Variants in EPS8 observed in about 807,000 individuals in gnomAD.
EPS8 encodes epidermal growth factor receptor kinase substrate 8.
EPS8 carries 42 observed loss-of-function variants against 103.8 expected under a neutral mutation model. The observed-to-expected ratio is 0.40, with a 90% CI of 0.32 to 0.52. The LOEUF is 0.52. Among genes scored for constraint, EPS8 ranks in the 20% least tolerant of loss-of-function variants. The pLI, the probability that EPS8 is intolerant of heterozygous loss-of-function variation, is 0.40. For synonymous variants in EPS8, 344 were observed against 344.6 expected (o/e 1.00, Z 0.02); for missense variants, 969 against 1,005.1 (o/e 0.96, Z 0.49).
At chr12:15,634,956 G>A (rs1197885606) in intron 17 of EPS8, among the ~76,000 whole-genome samples, 2 of 152,106 alleles carry the variant, frequency 1.3e-5, no homozygotes, top group Non-Finnish European at 2.9e-5. Context: ...TCTAGCCATG[G>A]AAAACTAATC....
Position 15,738,967 on chromosome 12 carries a change from G to A in EPS8, c.-22+50194C>T, listed in dbSNP as rs905409917. On this transcript the variant is annotated intron_variant, in intron 1 of 20. Transcript: ENST00000281172. The surrounding 1 kb of genome is among the most constrained non-coding windows in gnomAD (Gnocchi z 6.2). ...GTCTTATTCTGACCCCTTAGTCCAT[G>A]CAGGCATGTCTATGCAGATTGCTCT... Among the ~76,000 whole-genome samples the A allele has an allele frequency of 2.6e-5, 4 of 152,172 alleles. No homozygotes were observed. The highest frequency in any genetic ancestry group is 5.9e-5 in the Non-Finnish European group (4 of 68,032).
rs746653339 is a variant in EPS8, at chr12:15,700,092, T to C, written c.-21-17120A>G. ...ATTGTTTGAACACAGGAGGCGGAAG[T>C]TGCAGTGAGCTGAGATCATGCCTCT... On this transcript the variant is annotated intron_variant, in intron 1 of 20. Transcript: ENST00000281172. The surrounding 1 kb of genome is among the most constrained non-coding windows in gnomAD (Gnocchi z 5.1). Among the ~76,000 whole-genome samples, 1 of 152,166 alleles carries C rather than the reference T, an allele frequency of 6.6e-6. No homozygotes were observed. The highest frequency in any genetic ancestry group is 1.5e-5 in the Non-Finnish European group (1 of 68,028).
chr12:15,773,493 AAT>A (rs941482670), intron 1 of EPS8, among the ~76,000 whole-genome samples: 4 of 152,070 alleles, frequency 2.6e-5, no homozygotes, highest in Admixed American at 2.6e-4. Context: ...AGATACATGA[AAT>A]ATTTTAGAAC....
chr12:15,766,619 AG>A (rs1354385540), intron 1 of EPS8, among the ~76,000 whole-genome samples: 1 of 151,772 alleles, frequency 6.6e-6, no homozygotes, highest in Non-Finnish European at 1.5e-5. Flanking sequence ...CAGAGGTTGC[AG>A]TGAGCAGAGA....
chr12:15,709,332 T>C (rs1468591356), intron 1 of EPS8, among the ~76,000 whole-genome samples: 1 of 151,452 alleles, frequency 6.6e-6, no homozygotes, highest in African/African-American at 2.4e-5. Context: ...AAAAAGAAGG[T>C]GAAACCAAGA....
intron 12 of EPS8, among the ~76,000 whole-genome samples, chr12:15,654,839 C>G (rs866378169): frequency 6.6e-6 from 1 of 152,066 alleles, no homozygotes; most frequent in Non-Finnish European, 1.5e-5. Context: ...TACTTTTCCC[C>G]AGAATTATTT....
chr12:15,705,015 T>C (rs1414064206), intron 1 of EPS8, among the ~76,000 whole-genome samples: 1 of 152,218 alleles, frequency 6.6e-6, no homozygotes, highest in Non-Finnish European at 1.5e-5. Context: ...AGGTTAACAT[T>C]GTATTCTACT....
In EPS8 at chr12:15,769,803, A is replaced by T. The variant is rs1565537328; in HGVS notation, c.-22+19358T>A. ...TGGACACAGTACAAAAATTTCCTGAACTTTCTGACCAAAGTCATGTTTTAT... is the reference window on the plus strand; with the variant it reads ...TGGACACAGTACAAAAATTTCCTGATCTTTCTGACCAAAGTCATGTTTTAT... On this transcript the variant is annotated intron_variant, in intron 1 of 20. Coordinates refer to ENST00000281172, the MANE Select transcript of EPS8 (RefSeq NM_004447.6). The surrounding 1 kb of genome is among the most constrained non-coding windows in gnomAD (Gnocchi z 4.6). 6.6e-6 allele frequency among the ~76,000 whole-genome samples: 1 copy of T among 152,168 alleles called. No individual in the cohort carries two copies.
intron 1 of EPS8, among the ~76,000 whole-genome samples, chr12:15,755,215 C>T (rs565237366): frequency 6.2e-4 from 95 of 152,214 alleles, no homozygotes; most frequent in Non-Finnish European, 1.3e-3. Context: ...AAATCAAGTT[C>T]TCCTTGACAC....
intron 3 of EPS8, chr12:15,672,609 A>T: frequency 1.3e-5 from 5 of 390,214 alleles, no homozygotes; most frequent in Admixed American, 4.4e-5. Context: ...TATTCTACAT[A>T]TTTTTAAAAA....
At chr12:15,665,969 T>G in intron 7 of EPS8, 77 bp from the exon 8 acceptor site, 21 of 1,425,998 alleles carry the variant, frequency 1.5e-5, no homozygotes, top group African/African-American at 5.7e-5. Context: ...CTTGTGGTAC[T>G]AGTTATTAAA....
rs1024817614 is a variant in EPS8, at chr12:15,762,070, C to T, written c.-22+27091G>A. Among the ~76,000 whole-genome samples, 1 of 151,990 alleles carries T rather than the reference C, an allele frequency of 6.6e-6. No homozygotes were observed. Among genetic ancestry groups the T allele is most frequent in the Non-Finnish European group, 1.5e-5 (1 of 68,018 alleles). The stretch of plus-strand genomic sequence containing the variant: ...ATTAATAATCAGAATATATATAGAG[C>T]TCAAACAACTCTACAAGAAAACATC... On this transcript the variant is annotated intron_variant, in intron 1 of 20. Coordinates refer to ENST00000281172, the MANE Select transcript of EPS8 (RefSeq NM_004447.6). The surrounding 1 kb of genome is among the most constrained non-coding windows in gnomAD (Gnocchi z 4.8).
rs1191064690 is a variant in EPS8 at position 15,728,900 on chromosome 12, C to T, written c.-21-45928G>A. ...AGACTAGCAGAAAATATTTGTAAAT[C>T]CATCTTTTTTAAAAACATTTCTTGT... On this transcript the variant is annotated intron_variant, in intron 1 of 20. Coordinates refer to ENST00000281172, the MANE Select transcript of EPS8 (RefSeq NM_004447.6). This position sits in a 1 kb window ranked among gnomAD's most constrained non-coding sequence, Gnocchi z 4.5. Among the ~76,000 whole-genome samples the T allele has an allele frequency of 6.6e-6, 1 of 152,014 alleles. No homozygotes were observed. The highest frequency in any genetic ancestry group is 2.4e-5 in the African/African-American group (1 of 41,346).
At chr12:15,631,342 T>TA in intron 18 of EPS8, 100 bp downstream of exon 18, 1 of 1,528,036 alleles carries the variant, frequency 6.5e-7, no homozygotes, top group East Asian at 2.3e-5. Context: ...CATGCAAGTA[T>TA]AAAGGACTTT....
chr12:15,631,711 T>C, intron 17 of EPS8, 47 bp from the exon 18 acceptor site: 1 of 1,439,138 alleles, frequency 6.9e-7, no homozygotes, highest in Non-Finnish European at 9.4e-7. Context: ...AATATAAACC[T>C]AGGCTAGGAA....
At chr12:15,625,325 T>C (rs948617399) in intron 18 of EPS8, among the ~76,000 whole-genome samples, 1 of 152,186 alleles carries the variant, frequency 6.6e-6, no homozygotes, top group Non-Finnish European at 1.5e-5. Context: ...ATTTATCCTG[T>C]TATTAATTTT....
Position 15,759,658 on chromosome 12 carries a change from A to C in EPS8, c.-22+29503T>G, listed in dbSNP as rs934675688. Among the ~76,000 whole-genome samples, 1 of 152,132 alleles carries C rather than the reference A, an allele frequency of 6.6e-6. No homozygotes were observed. Among genetic ancestry groups the C allele is most frequent in the Non-Finnish European group, 1.5e-5 (1 of 67,966 alleles). On this transcript the variant is annotated intron_variant, in intron 1 of 20. Coordinates refer to ENST00000281172, the MANE Select transcript of EPS8 (RefSeq NM_004447.6). The surrounding 1 kb of genome is among the most constrained non-coding windows in gnomAD (Gnocchi z 4.9). The stretch of plus-strand genomic sequence containing the variant: ...GGAATAAAACTAGAAATCAATAACA[A>C]GAGAAATTTTGGAAAATATACTAGT...
At position 15,692,280 on chromosome 12, in the gene EPS8, G is replaced by A. The variant is rs938081315; in HGVS notation, c.-21-9308C>T. Among the ~76,000 whole-genome samples the A allele has an allele frequency of 2.7e-5, 4 of 146,188 alleles. 1 individual carries two copies. The highest frequency in any genetic ancestry group is 5.1e-5 in the African/African-American group (2 of 38,856). On this transcript the variant is annotated intron_variant, in intron 1 of 20. Coordinates refer to ENST00000281172, the MANE Select transcript of EPS8 (RefSeq NM_004447.6). Reference sequence around the variant, plus strand: ...ATTTTACCTTTACACATGATGGACCGTTTGTCTTGGTTTCAAATTGTAGAT... The same window carrying A: ...ATTTTACCTTTACACATGATGGACCATTTGTCTTGGTTTCAAATTGTAGAT...
At chr12:15,680,945 T>C (rs1217147402) in intron 3 of EPS8, among the ~76,000 whole-genome samples, 1 of 151,906 alleles carries the variant, frequency 6.6e-6, no homozygotes, top group East Asian at 1.9e-4. Context: ...TTATTACAAG[T>C]AGTAAATGGG....
Sources: gnomAD v4.1 joint callset for allele counts (sites outside exome capture counted in the v4.1 genomes callset) on GRCh38, gnomAD v4.1.1 for gene constraint, Gnocchi (gnomAD v3.1) non-coding constraint, MANE v1.5 for transcripts, NCBI Gene and HGNC (gene_info 2026-07-23, HGNC 2026-07-21) for gene names.